The following ST7L variants were observed in gnomAD, a reference collection of about 807,000 sequenced individuals.
The protein encoded by ST7L is suppression of tumorigenicity 7 like, also known as suppressor of tumorigenicity 7 protein-like.
Under a neutral mutation model 72.5 loss-of-function variants are expected in ST7L, and 57 were observed. That is an observed-to-expected ratio of 0.79 (90% CI 0.64 to 0.98). The LOEUF (loss-of-function observed/expected upper bound fraction) is 0.98. Ranked by LOEUF, ST7L falls within the 50% of genes least tolerant of loss-of-function variation. The pLI is 0.00. For missense variants in ST7L, 576 were observed against 672.2 expected (o/e 0.86, Z 1.58); for synonymous variants, 221 against 240.9 (o/e 0.92, Z 0.77).
At chr1:112,619,516 G>A (rs1670489654), upstream of ST7L, 1 of 527,568 alleles carries the variant, frequency 1.9e-6, no homozygotes, top group East Asian at 3.1e-5. Flanking sequence ...AAACTTGTAG[G>A]AGTAGCAACA....
intron 3 of ST7L, among the ~76,000 whole-genome samples, chr1:112,603,318 T>G (rs1223554727): frequency 1.3e-5 from 2 of 152,216 alleles, no homozygotes; most frequent in Non-Finnish European, 2.9e-5. Flanking sequence ...AAATTATGCA[T>G]CGGTAAAAGA....
intron 14 of ST7L, chr1:112,528,452 A>G (rs1653807772): frequency 6.6e-6 from 1 of 152,110 alleles, no homozygotes; most frequent in Non-Finnish European, 1.5e-5. Context: ...CAGGGCACCT[A>G]TGGAAAAGCA....
intron 5 of ST7L, among the ~76,000 whole-genome samples, chr1:112,591,905 T>G (rs563013065): frequency 2.6e-5 from 4 of 152,114 alleles, no homozygotes; most frequent in Non-Finnish European, 5.9e-5. Context: ...CTTGTTAACA[T>G]TGAGTTTAAG....
At chr1:112,549,731 G>A (rs1203857042) in intron 13 of ST7L, among the ~76,000 whole-genome samples, 2 of 152,084 alleles carry the variant, frequency 1.3e-5, no homozygotes, top group Non-Finnish European at 2.9e-5. Context: ...TGTCACCTTT[G>A]AATAAAGAGA....
At chr1:112,568,244 A>G (rs1239740319) in intron 11 of ST7L, among the ~76,000 whole-genome samples, 1 of 151,988 alleles carries the variant, frequency 6.6e-6, no homozygotes, top group Non-Finnish European at 1.5e-5. Context: ...GTGAAAATAC[A>G]TGTAATAGTG....
chr1:112,577,454 C>T (rs924842550), intron 10 of ST7L, among the ~76,000 whole-genome samples: 14 of 141,224 alleles, frequency 9.9e-5, no homozygotes, highest in African/African-American at 2.1e-4. Flanking sequence ...CACTTGTACC[C>T]GGGAGGCAGA....
At chr1:112,596,614 G>C (rs1241764006) in intron 5 of ST7L, among the ~76,000 whole-genome samples, 2 of 152,012 alleles carry the variant, frequency 1.3e-5, no homozygotes, top group East Asian at 3.9e-4. Flanking sequence ...TTAGACATCT[G>C]TGACATCTAG....
chr1:112,547,870 T>C (rs1465952005), intron 13 of ST7L, among the ~76,000 whole-genome samples: 1 of 151,934 alleles, frequency 6.6e-6, no homozygotes, highest in Non-Finnish European at 1.5e-5. Context: ...GGCCTGTCCA[T>C]CATCTTTTTA....
Position 112,598,073 on chromosome 1 carries a change from T to A in ST7L, c.520A>T (p.Thr174Ser), listed in dbSNP as rs1483845541. The A allele has an allele frequency of 9.9e-6, 16 of 1,612,030 alleles. No homozygotes were observed. Among genetic ancestry groups the A allele is most frequent in the Non-Finnish European group, 1.4e-5 (16 of 1,179,184 alleles). The change falls in exon 5 of 15, where the codon ACT (threonine) becomes TCT (serine). Residue 174 changes from threonine (T) to serine (S), a missense_variant. By Grantham distance (58) the Thr-to-Ser change is moderately conservative. Around this residue, in one of 3 missense-constraint regions of ST7L, gnomAD observed 511 missense variants for 600.7 expected, o/e 0.85. Coordinates refer to ENST00000358039, the MANE Select transcript of ST7L (RefSeq NM_017744.5). ...TAGTATGTAAGTGGCTCTTTACCAG[T>A]CACCCAAGTGTATCTTTACCAAAAC... ...GAEYRRYTWV[T>S]GKEPLTYYDM...
downstream of ST7L, chr1:112,522,962 T>C (rs1230823692): frequency 6.6e-6 from 1 of 152,186 alleles, no homozygotes; most frequent in Non-Finnish European, 1.5e-5. Context: ...AAGGGGGTCA[T>C]GGTCAGTCTG....
intron 14 of ST7L, chr1:112,526,910 A>G (rs1379469658): frequency 6.6e-6 from 1 of 152,218 alleles, no homozygotes; most frequent in Non-Finnish European, 1.5e-5. Flanking sequence ...AGGTCCTGGG[A>G]TCTCAAGCTG....
At chr1:112,619,659 C>A (rs948169460), upstream of ST7L, 5 of 594,338 alleles carry the variant, frequency 8.4e-6, no homozygotes, top group Admixed American at 3.0e-5. Context: ...GCAAACCCTA[C>A]TTCCTGGGGC....
intron 1 of ST7L, 115 bp downstream of exon 1, chr1:112,618,794 A>G: frequency 6.9e-7 from 1 of 1,457,586 alleles, no homozygotes; most frequent in Non-Finnish European, 9.1e-7. Flanking sequence ...TTGATCGCTC[A>G]TCATCGACTC....
intron 11 of ST7L, among the ~76,000 whole-genome samples, chr1:112,575,852 G>A (rs1425420515): frequency 6.6e-6 from 1 of 152,100 alleles, no homozygotes; most frequent in Admixed American, 6.5e-5. Flanking sequence ...AATATTTGTT[G>A]ACTCTCTTTC....
At position 112,550,623 on chromosome 1, in the gene ST7L, C is replaced by A; in HGVS notation, c.1467G>T (p.Thr489=). The A allele has an allele frequency of 6.2e-7, 1 of 1,612,870 alleles. No homozygotes were observed. Among genetic ancestry groups the A allele is most frequent in the Non-Finnish European group, 8.5e-7 (1 of 1,179,246 alleles). ...LFYPYPSCTE[T]ADRELLPTFH... is the part of the protein sequence containing the mutation. ...TACTAGGTAATAGCTCTCTATCAGC[C>A]GTCTCTGTGCAGCTGGGATAAGGGT... Residue 489 remains threonine (T), a synonymous_variant, in exon 13 of 15, where the codon ACG becomes ACT. Coordinates refer to ENST00000358039, the MANE Select transcript of ST7L (RefSeq NM_017744.5).
intron 2 of ST7L, among the ~76,000 whole-genome samples, chr1:112,615,282 C>A (rs1447484201): frequency 6.6e-6 from 1 of 152,154 alleles, no homozygotes; most frequent in East Asian, 1.9e-4. Flanking sequence ...CTGTATCAGG[C>A]CAAACAGGTT....
At chr1:112,523,339 A>G (rs968950717), downstream of ST7L, 2 of 152,214 alleles carry the variant, frequency 1.3e-5, no homozygotes, top group African/African-American at 2.4e-5. Flanking sequence ...AAGTTTGAAA[A>G]GAGAGGTGCA....
In ST7L at chr1:112,601,229, C is replaced by A. The variant is rs186032456; in HGVS notation, c.452-381G>T. 7.2e-5 allele frequency among the ~76,000 whole-genome samples: 11 copies of A among 152,222 alleles called. No homozygotes were observed. The East Asian group carries it at 1.4e-3, about 19-fold the overall frequency. On this transcript the variant is annotated intron_variant, in intron 3 of 14. Coordinates refer to ENST00000358039, the MANE Select transcript of ST7L (RefSeq NM_017744.5). ...AGTAGTCATGTAAATGGCCTGAACT[C>A]TGTAATAACAGACATGTTTTGTTCT...
chr1:112,566,801 C>A (rs150012582), intron 11 of ST7L, among the ~76,000 whole-genome samples: 186 of 152,220 alleles, frequency 1.2e-3, no homozygotes, highest in African/African-American at 4.1e-3. Flanking sequence ...TTGCTTGTAT[C>A]AGTAGGTCTT....
Sources: gnomAD v4.1 joint callset for allele counts (sites outside exome capture counted in the v4.1 genomes callset) on GRCh38, gnomAD v4.1.1 for gene constraint, gnomAD v4.1.1 regional missense constraint, MANE v1.5 for transcripts, NCBI Gene and HGNC (gene_info 2026-07-23, HGNC 2026-07-21) for gene names.